The following SCARA5 variants were observed in gnomAD, a reference collection of about 807,000 sequenced individuals.
SCARA5 encodes scavenger receptor class A member 5.
In SCARA5, 45 loss-of-function variants were observed where a neutral mutation model predicts 46.3. That is an observed-to-expected ratio of 0.97 (90% CI 0.76 to 1.24). The LOEUF (loss-of-function observed/expected upper bound fraction) is 1.24. Ranked by LOEUF, SCARA5 falls within the 50% of genes most tolerant of loss-of-function variation. The pLI, the probability that SCARA5 is intolerant of heterozygous loss-of-function variation, is 0.00. For missense variants in SCARA5, 680 were observed against 689.0 expected (o/e 0.99, Z 0.15); for synonymous variants, 333 against 306.5 (o/e 1.09, Z -0.90).
chr8:27,942,189 G>GT (rs887521436), intron 3 of SCARA5, among the ~76,000 whole-genome samples: 63 of 152,218 alleles, frequency 4.1e-4, no homozygotes, highest in African/African-American at 1.4e-3. Flanking sequence ...CCATTAGCCA[G>GT]TGACAGCCAG....
At chr8:27,918,791 A>G (rs1807519215) in intron 4 of SCARA5, among the ~76,000 whole-genome samples, 1 of 142,780 alleles carries the variant, frequency 7.0e-6, no homozygotes, top group Non-Finnish European at 1.5e-5. Context: ...GGAAGAGGAG[A>G]AAGAGGAGGA....
Position 27,871,912 on chromosome 8 carries a change from C to T in SCARA5, c.*22G>A, listed in dbSNP as rs372073479. On this transcript the variant is annotated 3_prime_UTR_variant, in exon 9 of 9. Coordinates refer to ENST00000354914, the MANE Select transcript of SCARA5 (RefSeq NM_173833.6). ...AGGAAGGGTGCTCTGTGCAGGACCC[C>T]GAACTTGGGCTCTGCCCACTTTCAG... 2.9e-5 allele frequency: 46 copies of T among 1,613,468 alleles called. No individual in the cohort carries two copies. The highest frequency in any genetic ancestry group is 9.9e-5 in the South Asian group (9 of 91,058).
At chr8:27,882,374 G>A (rs1376738822) in intron 7 of SCARA5, among the ~76,000 whole-genome samples, 2 of 152,210 alleles carry the variant, frequency 1.3e-5, no homozygotes, top group Admixed American at 6.5e-5. Flanking sequence ...AGGTTTTCAT[G>A]TGGATGTCAG....
intron 3 of SCARA5, 112 bp downstream of exon 3, chr8:27,966,302 T>C: frequency 2.6e-6 from 3 of 1,136,356 alleles, no homozygotes; most frequent in Non-Finnish European, 1.2e-6. Context: ...CTCTATGGTT[T>C]CCATGGTGAC....
Position 27,992,668 on chromosome 8 carries a change from C to T in SCARA5, c.-427G>A, listed in dbSNP as rs1479670156. On this transcript the variant is annotated 5_prime_UTR_variant, in exon 1 of 9. Coordinates refer to ENST00000354914, the MANE Select transcript of SCARA5 (RefSeq NM_173833.6). ...AACTGCAGCTGCTCTCGCCGCCAGTCCGTATAAAATAAAGTTCTTGGAGCA... is the reference window on the plus strand; with the variant it reads ...AACTGCAGCTGCTCTCGCCGCCAGTTCGTATAAAATAAAGTTCTTGGAGCA... The T allele has an allele frequency of 6.6e-6, 1 of 152,318 alleles. No individual in the cohort carries two copies. Among genetic ancestry groups the T allele is most frequent in the Non-Finnish European group, 1.5e-5 (1 of 68,120 alleles). 9.4% of individuals were successfully genotyped at this position (152,318 alleles called of 1,614,324 possible).
chr8:27,875,205 C>T (rs62496776), intron 8 of SCARA5, among the ~76,000 whole-genome samples: 1 of 91,070 alleles, frequency 1.1e-5, no homozygotes, highest in Non-Finnish European at 2.8e-5. Context: ...CTTCACTCCT[C>T]CCTCCCTCCC....
intron 3 of SCARA5, among the ~76,000 whole-genome samples, chr8:27,947,348 C>T (rs1481251299): frequency 6.6e-6 from 1 of 152,004 alleles, no homozygotes; most frequent in Admixed American, 6.6e-5. Flanking sequence ...GCTTAAAAAT[C>T]CAAAGGGCAA....
At position 27,904,671 on chromosome 8, in the gene SCARA5, C is replaced by T. The variant is rs923932257; in HGVS notation, c.1153+107G>A. 4.7e-5 allele frequency: 48 copies of T among 1,024,090 alleles called. No individual in the cohort carries two copies. The African/African-American group carries it at 6.9e-4, about 15-fold the overall frequency. The allele number at this position is 1,024,090 out of a possible 1,614,324, so 63.4% of individuals were successfully genotyped here. On this transcript the variant is annotated intron_variant, in intron 7 of 8. Coordinates refer to ENST00000354914, the MANE Select transcript of SCARA5 (RefSeq NM_173833.6). ...AGGGAGCCTCCTTTGACACTTGAGC[C>T]CCAGCCATGGCTCCAGCCTCTGAAC...
chr8:27,987,767 C>T (rs1808726736), intron 1 of SCARA5, 137 bp from the exon 2 acceptor site: 8 of 609,744 alleles, frequency 1.3e-5, no homozygotes, highest in South Asian at 1.2e-4. Context: ...CACCGGGACC[C>T]TCTGCTCATC....
intron 3 of SCARA5, among the ~76,000 whole-genome samples, chr8:27,944,285 T>C (rs1791068121): frequency 6.6e-6 from 1 of 152,236 alleles, no homozygotes; most frequent in Non-Finnish European, 1.5e-5. Context: ...GGATATACTG[T>C]ATTTATAATC....
chr8:27,964,590 T>C (rs1808340459), intron 3 of SCARA5, among the ~76,000 whole-genome samples: 1 of 152,214 alleles, frequency 6.6e-6, no homozygotes, highest in African/African-American at 2.4e-5. Context: ...AACTGTCCTT[T>C]ATTTTGAATG....
rs144864792 is a variant in SCARA5, at chr8:27,894,804, T to C, written c.1153+9974A>G. The stretch of plus-strand genomic sequence containing the variant: ...GAAGCTGCGTGAAGGGGGCCACCAT[T>C]CTGCATCCTTGTGGTTCCAAATCAC... On this transcript the variant is annotated intron_variant, in intron 7 of 8. Transcript: ENST00000354914. 7.2e-5 allele frequency among the ~76,000 whole-genome samples: 11 copies of C among 152,314 alleles called. No homozygotes were observed. In the East Asian group the frequency reaches 2.1e-3, roughly 29 times the overall value.
At chr8:27,887,333 T>G (rs746169542) in intron 7 of SCARA5, among the ~76,000 whole-genome samples, 3 of 152,020 alleles carry the variant, frequency 2.0e-5, no homozygotes, top group Non-Finnish European at 4.4e-5. Context: ...GGTGAGGGCG[T>G]TAGGTGCAGA....
At chr8:27,977,904 A>G (rs933425113) in intron 2 of SCARA5, among the ~76,000 whole-genome samples, 9 of 152,266 alleles carry the variant, frequency 5.9e-5, no homozygotes, top group African/African-American at 1.2e-4. Flanking sequence ...AGCATGAGAG[A>G]AAAATACATA....
intron 8 of SCARA5, among the ~76,000 whole-genome samples, chr8:27,878,143 G>A (rs1022946679): frequency 6.6e-6 from 1 of 152,216 alleles, no homozygotes; most frequent in African/African-American, 2.4e-5. Context: ...CAGGTCACCA[G>A]GGGGCCTGGT....
chr8:27,905,469 G>GA (rs1585477550), intron 6 of SCARA5, among the ~76,000 whole-genome samples: 2 of 137,930 alleles, frequency 1.5e-5, no homozygotes, highest in African/African-American at 2.6e-5. Context: ...GCTGTCTGGT[G>GA]AAAAAATCAA....
At chr8:27,942,086 C>T (rs1405269646) in intron 3 of SCARA5, among the ~76,000 whole-genome samples, 1 of 152,054 alleles carries the variant, frequency 6.6e-6, no homozygotes, top group Non-Finnish European at 1.5e-5. Context: ...ACCTCGGCCT[C>T]CCATAGTGCC....
At chr8:27,887,266 C>T (rs925131542) in intron 7 of SCARA5, among the ~76,000 whole-genome samples, 9 of 152,116 alleles carry the variant, frequency 5.9e-5, no homozygotes, top group East Asian at 1.9e-4. Flanking sequence ...ATCAGCAACC[C>T]GGAAGAAAAC....
intron 3 of SCARA5, among the ~76,000 whole-genome samples, chr8:27,949,360 A>G (rs1808087104): frequency 6.6e-6 from 1 of 152,218 alleles, no homozygotes; most frequent in South Asian, 2.1e-4. Flanking sequence ...ATTTTCTCCT[A>G]TGAGAACTAT....
Sources: gnomAD v4.1 joint callset for allele counts (sites outside exome capture counted in the v4.1 genomes callset) on GRCh38, gnomAD v4.1.1 for gene constraint, MANE v1.5 for transcripts, NCBI Gene and HGNC (gene_info 2026-07-23, HGNC 2026-07-21) for gene names.